Variants in KCNN3 observed in about 807,000 individuals in gnomAD.
The protein encoded by KCNN3 is potassium calcium-activated channel subfamily N member 3.
In KCNN3, 16 loss-of-function variants were observed where a neutral mutation model predicts 62.9. The ratio of observed to expected loss-of-function variants is 0.25; its 90% CI spans 0.17 to 0.39. The LOEUF (loss-of-function observed/expected upper bound fraction) is 0.39, where lower values mean the gene tolerates loss of function less well. Ranked by LOEUF, KCNN3 falls within the 10% of genes least tolerant of loss-of-function variation. The pLI is 1.00. For missense variants in KCNN3, 599 were observed against 949.4 expected (o/e 0.63, Z 4.85); for synonymous variants, 370 against 389.2 (o/e 0.95, Z 0.58).
In KCNN3 at chr1:154,734,676, C is replaced by G. The variant is rs374367834; in HGVS notation, c.1449-1532G>C. 2.6e-5 allele frequency among the ~76,000 whole-genome samples: 4 copies of G among 152,216 alleles called. No homozygotes were observed. In the East Asian group the frequency reaches 7.7e-4, roughly 29 times the overall value. Reference sequence around the variant, plus strand: ...AGGAGCTCAGCCAGTCAGAAAGGGACAGGGCCATCAAGTCAGGGAGCAGCA... The same window carrying G: ...AGGAGCTCAGCCAGTCAGAAAGGGAGAGGGCCATCAAGTCAGGGAGCAGCA... On this transcript the variant is annotated intron_variant, in intron 3 of 7. Coordinates refer to ENST00000271915, the MANE Select transcript of KCNN3 (RefSeq NM_002249.6).
chr1:154,751,636 C>T (rs1378551596), intron 3 of KCNN3, among the ~76,000 whole-genome samples: 2 of 152,136 alleles, frequency 1.3e-5, no homozygotes, highest in African/African-American at 4.8e-5. Context: ...AGAATGGCAA[C>T]ACTCAGAGTC....
intron 1 of KCNN3, among the ~76,000 whole-genome samples, chr1:154,861,717 G>A (rs1652779525): frequency 6.6e-6 from 1 of 152,332 alleles, no homozygotes; most frequent in Non-Finnish European, 1.5e-5. Context: ...GTCCGCCTGG[G>A]ATGGATGCCA....
intron 1 of KCNN3, among the ~76,000 whole-genome samples, chr1:154,845,619 C>T (rs1225298212): frequency 1.3e-5 from 2 of 152,164 alleles, no homozygotes; most frequent in Non-Finnish European, 2.9e-5. Flanking sequence ...CGCAGCATTG[C>T]TGTGTGGCAT....
chr1:154,737,671 T>C (rs1337426220), intron 3 of KCNN3, among the ~76,000 whole-genome samples: 3 of 149,628 alleles, frequency 2.0e-5, no homozygotes, highest in African/African-American at 4.9e-5. Context: ...AAGAATGGAA[T>C]GCTGTATGAA....
intron 3 of KCNN3, among the ~76,000 whole-genome samples, chr1:154,769,763 C>G: frequency 6.6e-6 from 1 of 152,320 alleles, no homozygotes; most frequent in East Asian, 1.9e-4. Context: ...TGGCTTCCAT[C>G]ATTTAGAAAG....
chr1:154,812,299 T>A (rs922875947), intron 2 of KCNN3, among the ~76,000 whole-genome samples: 1 of 152,212 alleles, frequency 6.6e-6, no homozygotes, highest in East Asian at 1.9e-4. Context: ...AGGGTACATG[T>A]GCACAACGTG....
At chr1:154,731,326 G>A (rs1016551249) in intron 4 of KCNN3, among the ~76,000 whole-genome samples, 3 of 152,232 alleles carry the variant, frequency 2.0e-5, no homozygotes, top group African/African-American at 7.2e-5. Flanking sequence ...GCACTTACCC[G>A]TGATTTATCA....
chr1:154,765,795 G>T (rs1458621273), intron 3 of KCNN3, among the ~76,000 whole-genome samples: 9 of 149,406 alleles, frequency 6.0e-5, no homozygotes, highest in Non-Finnish European at 1.3e-4. Flanking sequence ...TGTTTTTTTT[G>T]GTTTTTTTTT....
intron 1 of KCNN3, among the ~76,000 whole-genome samples, chr1:154,832,779 C>A (rs1410990653): frequency 2.0e-5 from 3 of 152,214 alleles, no homozygotes; most frequent in Non-Finnish European, 4.4e-5. Context: ...GGGTTGCTGA[C>A]TAGAACCAAA....
chr1:154,797,106 C>A (rs886661457), intron 2 of KCNN3, among the ~76,000 whole-genome samples: 1 of 152,186 alleles, frequency 6.6e-6, no homozygotes, highest in African/African-American at 2.4e-5. Context: ...GAGGGTAAGA[C>A]CATCTAGAAT....
At chr1:154,865,321 GTCTAAGACTTC>G (rs1652910918) in intron 1 of KCNN3, among the ~76,000 whole-genome samples, 1 of 151,552 alleles carries the variant, frequency 6.6e-6, no homozygotes, top group Admixed American at 6.6e-5. Flanking sequence ...TCGTCACAAT[GTCTAAGACTTC>G]AGAGAGTAAA....
chr1:154,816,057 C>T (rs1480039587), intron 2 of KCNN3, among the ~76,000 whole-genome samples: 1 of 152,200 alleles, frequency 6.6e-6, no homozygotes, highest in African/African-American at 2.4e-5. Context: ...CAAGTAATTT[C>T]CCTGTCTGCT....
intron 2 of KCNN3, among the ~76,000 whole-genome samples, chr1:154,820,400 C>T (rs915754606): frequency 1.3e-5 from 2 of 152,366 alleles, no homozygotes; most frequent in East Asian, 1.9e-4. Context: ...TTCCTCAAGC[C>T]TGGGTCATAA....
intron 2 of KCNN3, among the ~76,000 whole-genome samples, chr1:154,781,085 C>T (rs1649027934): frequency 1.3e-5 from 2 of 152,162 alleles, no homozygotes; most frequent in African/African-American, 2.4e-5. Flanking sequence ...GAGCGCTTCG[C>T]CAGAGCTCAC....
intron 1 of KCNN3, among the ~76,000 whole-genome samples, chr1:154,837,352 C>A (rs184123313): frequency 1.3e-3 from 200 of 152,168 alleles, no homozygotes; most frequent in African/African-American, 4.6e-3. Context: ...ACCATGTTGG[C>A]CAGGATGGTC....
At chr1:154,738,237 AT>A (rs1274058019) in intron 3 of KCNN3, among the ~76,000 whole-genome samples, 2 of 152,144 alleles carry the variant, frequency 1.3e-5, no homozygotes, top group Non-Finnish European at 2.9e-5. Flanking sequence ...GGGGGAGGGT[AT>A]AAAAGAGGCC....
intron 3 of KCNN3, among the ~76,000 whole-genome samples, chr1:154,737,978 C>T (rs1557950021): frequency 6.7e-6 from 1 of 149,794 alleles, no homozygotes; most frequent in Non-Finnish European, 1.5e-5. Context: ...ATCAGTCTCC[C>T]AATTCAAACA....
At chr1:154,824,026 GTAAC>G (rs1651008222) in intron 1 of KCNN3, among the ~76,000 whole-genome samples, 1 of 152,294 alleles carries the variant, frequency 6.6e-6, no homozygotes, top group Admixed American at 6.5e-5. Context: ...AACTAATAAA[GTAAC>G]TAATTCATTC....
intron 3 of KCNN3, among the ~76,000 whole-genome samples, chr1:154,771,076 TAA>T (rs1223059521): frequency 7.4e-6 from 1 of 134,404 alleles, no homozygotes; most frequent in African/African-American, 2.5e-5. Context: ...AATAAATAAA[TAA>T]ATAAATAAAT....
Sources: allele counts gnomAD v4.1 joint callset (sites outside exome capture counted in the v4.1 genomes callset), GRCh38; gene constraint gnomAD v4.1.1; transcripts MANE v1.5; gene names NCBI Gene and HGNC (gene_info 2026-07-23, HGNC 2026-07-21).